The following TSHZ2 variants were observed in gnomAD, a reference collection of about 807,000 sequenced individuals.
The protein encoded by TSHZ2 is teashirt homolog 2.
TSHZ2 carries 21 observed loss-of-function variants against 74.4 expected under a neutral mutation model. The ratio of observed to expected loss-of-function variants is 0.28; its 90% CI spans 0.20 to 0.41. The LOEUF (loss-of-function observed/expected upper bound fraction) is 0.41, where lower values mean the gene tolerates loss of function less well. TSHZ2 is among the 10% of genes least tolerant of loss of function. TSHZ2 has a pLI of 1.00. For missense variants in TSHZ2, 1,244 were observed against 1,293.5 expected (o/e 0.96, Z 0.59); for synonymous variants, 540 against 515.3 (o/e 1.05, Z -0.65).
At chr20:53,290,456 G>C (rs756739529) in intron 2 of TSHZ2, among the ~76,000 whole-genome samples, 4 of 151,574 alleles carry the variant, frequency 2.6e-5, no homozygotes, top group Non-Finnish European at 5.9e-5. Flanking sequence ...CTATATGAAA[G>C]GCAAACTACT....
At chr20:53,033,190 C>A (rs564408749) in intron 1 of TSHZ2, among the ~76,000 whole-genome samples, 1 of 152,174 alleles carries the variant, frequency 6.6e-6, no homozygotes, top group Non-Finnish European at 1.5e-5. Context: ...ATTGTGCCAT[C>A]ACATAGTAAA....
intron 2 of TSHZ2, among the ~76,000 whole-genome samples, chr20:53,468,141 T>C (rs1985616847): frequency 6.6e-6 from 1 of 152,180 alleles, no homozygotes; most frequent in South Asian, 2.1e-4. Context: ...GTTAAAAAGC[T>C]AGTGGAGGGG....
intron 1 of TSHZ2, among the ~76,000 whole-genome samples, chr20:53,117,446 C>T (rs1986700639): frequency 6.6e-6 from 1 of 152,198 alleles, no homozygotes; most frequent in African/African-American, 2.4e-5. Flanking sequence ...AAAGTACCTG[C>T]CCTTCAGGAG....
At chr20:53,309,868 G>A (rs961281770) in intron 2 of TSHZ2, among the ~76,000 whole-genome samples, 6 of 152,114 alleles carry the variant, frequency 3.9e-5, no homozygotes, top group Non-Finnish European at 8.8e-5. Context: ...TCCCAAAACC[G>A]AGGAAACAAA....
chr20:53,433,341 T>C (rs1264993156), intron 2 of TSHZ2, among the ~76,000 whole-genome samples: 2 of 152,092 alleles, frequency 1.3e-5, no homozygotes, highest in East Asian at 1.9e-4. Context: ...CATTCCAAAC[T>C]TGGGGACAAA....
At chr20:53,223,794 A>G (rs1334056849) in intron 1 of TSHZ2, among the ~76,000 whole-genome samples, 1 of 152,182 alleles carries the variant, frequency 6.6e-6, no homozygotes, top group Non-Finnish European at 1.5e-5. Context: ...CTGTGGCCAT[A>G]AAGAGTAGTA....
chr20:52,988,229 C>T (rs1981844774), intron 1 of TSHZ2, among the ~76,000 whole-genome samples: 2 of 152,084 alleles, frequency 1.3e-5, no homozygotes, highest in South Asian at 2.1e-4. Context: ...TAAGCTTGTA[C>T]CTAACATTTA....
intron 1 of TSHZ2, among the ~76,000 whole-genome samples, chr20:53,010,097 G>A (rs1486540461): frequency 6.6e-6 from 1 of 152,076 alleles, no homozygotes; most frequent in Non-Finnish European, 1.5e-5. Flanking sequence ...ATCCTCGTAT[G>A]TAAATACTGA....
intron 1 of TSHZ2, among the ~76,000 whole-genome samples, chr20:53,076,200 T>C (rs1487503185): frequency 1.3e-5 from 2 of 152,152 alleles, no homozygotes; most frequent in Admixed American, 6.5e-5. Flanking sequence ...AGAAAACAGT[T>C]GAGCTCTTAC....
In TSHZ2 at chr20:53,236,214, C is replaced by T. The variant is rs561581168; in HGVS notation, c.41-17285C>T. 2.6e-5 allele frequency among the ~76,000 whole-genome samples: 4 copies of T among 152,350 alleles called. No homozygotes were observed. In the South Asian group the frequency reaches 8.3e-4, roughly 32 times the overall value. ...CCTCTTTAAACTCCTTTCTATCTAA[C>T]TACCATCACTTCTTTATTTACAAAG... On this transcript the variant is annotated intron_variant, in intron 1 of 2. Transcript: ENST00000371497.
intron 2 of TSHZ2, among the ~76,000 whole-genome samples, chr20:53,410,479 G>C (rs1156626672): frequency 6.6e-6 from 1 of 152,094 alleles, no homozygotes; most frequent in Non-Finnish European, 1.5e-5. Context: ...ATCGGTGGAG[G>C]AGGAGGCATA....
chr20:52,987,058 A>G (rs1253225380), intron 1 of TSHZ2, among the ~76,000 whole-genome samples: 1 of 152,186 alleles, frequency 6.6e-6, no homozygotes, highest in Non-Finnish European at 1.5e-5. Flanking sequence ...AGAAACCCCC[A>G]GAAGATAGAG....
chr20:52,973,550 C>G (rs1391272125), intron 1 of TSHZ2, among the ~76,000 whole-genome samples: 3 of 152,194 alleles, frequency 2.0e-5, no homozygotes, highest in African/African-American at 7.2e-5. Flanking sequence ...TCCCACCAAG[C>G]CTTTCCTCCT....
At chr20:53,341,076 T>C (rs1980180060) in intron 2 of TSHZ2, among the ~76,000 whole-genome samples, 1 of 152,228 alleles carries the variant, frequency 6.6e-6, no homozygotes, top group African/African-American at 2.4e-5. Flanking sequence ...GACCTTTGTG[T>C]TCCTAGCCCC....
chr20:53,433,043 A>G (rs1983901726), intron 2 of TSHZ2, among the ~76,000 whole-genome samples: 1 of 152,170 alleles, frequency 6.6e-6, no homozygotes, highest in Non-Finnish European at 1.5e-5. Context: ...AAGGAGTGAA[A>G]TAACAGTACT....
Position 53,213,985 on chromosome 20 carries a change from G to C in TSHZ2, c.41-39514G>C, listed in dbSNP as rs115546317. Among the ~76,000 whole-genome samples the C allele has an allele frequency of 5.7e-3, 869 of 152,286 alleles. 13 individuals carry two copies. The highest frequency in any genetic ancestry group is 0.02 in the African/African-American group (830 of 41,546). ...TGCTAAGTACAATATAGTAGTAGGT[G>C]CTGGCGGGGAGGTCACATACACAGA... On this transcript the variant is annotated intron_variant, in intron 1 of 2. Transcript: ENST00000371497.
intron 1 of TSHZ2, among the ~76,000 whole-genome samples, chr20:53,051,301 T>G (rs1282454794): frequency 6.6e-6 from 1 of 152,170 alleles, no homozygotes; most frequent in East Asian, 1.9e-4. Context: ...ATTTTGCCAC[T>G]GCACTCCAGC....
chr20:53,244,213 A>G (rs1369072693), intron 1 of TSHZ2, among the ~76,000 whole-genome samples: 2 of 151,596 alleles, frequency 1.3e-5, no homozygotes, highest in Admixed American at 6.6e-5. Flanking sequence ...TTACTTGGGA[A>G]AAAAAAAACC....
At chr20:53,190,552 C>T (rs930717532) in intron 1 of TSHZ2, among the ~76,000 whole-genome samples, 2 of 152,052 alleles carry the variant, frequency 1.3e-5, no homozygotes, top group Non-Finnish European at 2.9e-5. Context: ...CTGTCGAGAC[C>T]TTTAAAAATA....
Sources: gnomAD v4.1 joint callset for allele counts (sites outside exome capture counted in the v4.1 genomes callset) on GRCh38, gnomAD v4.1.1 for gene constraint, MANE v1.5 for transcripts, NCBI Gene and HGNC (gene_info 2026-07-23, HGNC 2026-07-21) for gene names.